The following RYR3 variants were observed in gnomAD, a reference collection of about 807,000 sequenced individuals.
RYR3 encodes the protein brain ryanodine receptor-calcium release channel.
Under a neutral mutation model 584.3 loss-of-function variants are expected in RYR3, and 207 were observed. That is an observed-to-expected ratio of 0.35 (90% CI 0.32 to 0.40). RYR3 has a LOEUF of 0.40. RYR3 is among the 10% of genes least tolerant of loss of function. The pLI, the probability that RYR3 is intolerant of heterozygous loss-of-function variation, is 1.00. For synonymous variants in RYR3, 2,416 were observed against 2,248.5 expected, an observed-to-expected ratio of 1.07 and a Z score of -2.11; for missense variants, 5,616 against 6,089.2, an observed-to-expected ratio of 0.92 and a Z score of 2.59.
intron 1 of RYR3, among the ~76,000 whole-genome samples, chr15:33,361,210 C>T (rs1239298947): frequency 1.3e-5 from 2 of 152,158 alleles, no homozygotes; most frequent in African/African-American, 4.8e-5. Context: ...TCTCAGTTCT[C>T]CTCTTTGGTA....
chr15:33,850,831 C>T (rs1567319985), intron 94 of RYR3: 2 of 152,156 alleles, frequency 1.3e-5, no homozygotes, highest in Non-Finnish European at 1.5e-5. Flanking sequence ...CAGCTATCTA[C>T]ATTTTTGATG....
intron 1 of RYR3, among the ~76,000 whole-genome samples, chr15:33,455,412 A>G (rs1225332797): frequency 1.3e-5 from 2 of 152,208 alleles, no homozygotes; most frequent in African/African-American, 2.4e-5. Context: ...TGAGAAGAGC[A>G]GAGGCTGAAG....
intron 70 of RYR3, among the ~76,000 whole-genome samples, chr15:33,808,943 G>C (rs2076356850): frequency 6.6e-6 from 1 of 152,160 alleles, no homozygotes; most frequent in Non-Finnish European, 1.5e-5. Context: ...GCCAGACTAG[G>C]GTTCTGCTGG....
intron 1 of RYR3, among the ~76,000 whole-genome samples, chr15:33,437,508 T>C (rs891298360): frequency 3.3e-5 from 5 of 152,212 alleles, no homozygotes; most frequent in African/African-American, 1.2e-4. Flanking sequence ...TTTTATTGTA[T>C]AAAACTGTTA....
chr15:33,455,273 A>G (rs994903266), intron 1 of RYR3, among the ~76,000 whole-genome samples: 1 of 152,188 alleles, frequency 6.6e-6, no homozygotes, highest in Non-Finnish European at 1.5e-5. Context: ...GCAGTGTGTC[A>G]GGGCATCCAA....
chr15:33,750,706 G>A (rs1379110815), intron 57 of RYR3, among the ~76,000 whole-genome samples: 1 of 152,054 alleles, frequency 6.6e-6, no homozygotes, highest in Non-Finnish European at 1.5e-5. Flanking sequence ...CATGATAACA[G>A]GGTAAATGCA....
intron 1 of RYR3, among the ~76,000 whole-genome samples, chr15:33,407,953 AG>A (rs1459508918): frequency 2.6e-5 from 4 of 151,848 alleles, no homozygotes; most frequent in African/African-American, 9.7e-5. Context: ...GCATTGCTTG[AG>A]GATAGGGTTG....
chr15:33,576,942 C>A (rs2058329546), intron 12 of RYR3, among the ~76,000 whole-genome samples: 1 of 152,136 alleles, frequency 6.6e-6, no homozygotes, highest in South Asian at 2.1e-4. Flanking sequence ...AATCAATGTG[C>A]AAAAATCACA....
intron 15 of RYR3, 25 bp from the exon 16 acceptor site, chr15:33,585,973 T>A (rs1399579168): frequency 6.9e-7 from 1 of 1,442,394 alleles, no homozygotes. Context: ...AATGTCCAAA[T>A]TTGATGTTTG....
intron 60 of RYR3, among the ~76,000 whole-genome samples, chr15:33,767,940 C>T (rs1355046272): frequency 6.6e-6 from 1 of 152,178 alleles, no homozygotes; most frequent in South Asian, 2.1e-4. Context: ...TCATTAGGCA[C>T]TGTGGAAAGT....
At chr15:33,765,632 CAAAAAAAAAAAA>C (rs761552773) in intron 60 of RYR3, among the ~76,000 whole-genome samples, 4 of 60,952 alleles carry the variant, frequency 6.6e-5, no homozygotes, top group Non-Finnish European at 1.3e-4. Flanking sequence ...GACTCCGTCT[CAAAAAAAAAAAA>C]AAAAAAAAAA....
At chr15:33,675,917 G>A (rs180998041) in intron 38 of RYR3, among the ~76,000 whole-genome samples, 12 of 152,234 alleles carry the variant, frequency 7.9e-5, no homozygotes, top group Admixed American at 2.6e-4. Flanking sequence ...GGATTTCATC[G>A]CAGTGCTCTG....
At chr15:33,417,900 T>C (rs2043933321) in intron 1 of RYR3, among the ~76,000 whole-genome samples, 1 of 152,164 alleles carries the variant, frequency 6.6e-6, no homozygotes, top group Admixed American at 6.5e-5. Context: ...TGATGTTGGA[T>C]TTTATTGAAC....
chr15:33,660,521 C>T (rs902520168), intron 34 of RYR3, 98 bp downstream of exon 34: 3 of 751,384 alleles, frequency 4.0e-6, no homozygotes, highest in Non-Finnish European at 6.4e-6. Context: ...TGTGTTGGAT[C>T]CTGCTCAGTC....
At chr15:33,582,425 G>A (rs2058641289) in intron 14 of RYR3, among the ~76,000 whole-genome samples, 1 of 152,196 alleles carries the variant, frequency 6.6e-6, no homozygotes, top group South Asian at 2.1e-4. Flanking sequence ...GGTTGAGGCT[G>A]ATTGGATTAC....
At chr15:33,799,417 C>G (rs955098710) in intron 67 of RYR3, among the ~76,000 whole-genome samples, 1 of 151,360 alleles carries the variant, frequency 6.6e-6, no homozygotes, top group Non-Finnish European at 1.5e-5. Context: ...TTTCACCAAT[C>G]ATGCCTATAT....
chr15:33,434,985 T>C (rs2141790106), intron 1 of RYR3, among the ~76,000 whole-genome samples: 1 of 150,904 alleles, frequency 6.6e-6, no homozygotes, highest in African/African-American at 2.4e-5. Context: ...GCCTGGCTAA[T>C]TTTTTTTTGT....
chr15:33,384,656 AT>A (rs1420086279), intron 1 of RYR3, among the ~76,000 whole-genome samples: 1 of 131,274 alleles, frequency 7.6e-6, no homozygotes, highest in Admixed American at 8.4e-5. Context: ...TAATTAACCT[AT>A]CCCTTACTTC....
intron 46 of RYR3, among the ~76,000 whole-genome samples, chr15:33,727,962 A>C (rs1264210121): frequency 6.6e-6 from 1 of 152,182 alleles, no homozygotes; most frequent in Non-Finnish European, 1.5e-5. Context: ...CTCTTGATTA[A>C]GATTAGAATT....
Sources: allele counts gnomAD v4.1 joint callset (sites outside exome capture counted in the v4.1 genomes callset), GRCh38; gene constraint gnomAD v4.1.1; transcripts MANE v1.5; gene names NCBI Gene and HGNC (gene_info 2026-07-23, HGNC 2026-07-21).